The following LMLN variants were observed in gnomAD, a reference collection of about 807,000 sequenced individuals.
LMLN encodes leishmanolysin like peptidase.
Under a neutral mutation model 92.3 loss-of-function variants are expected in LMLN, and 70 were observed. That is an observed-to-expected ratio of 0.76 (90% CI 0.63 to 0.92). The LOEUF (loss-of-function observed/expected upper bound fraction) is 0.92. Among genes scored for constraint, LMLN ranks in the 40% least tolerant of loss-of-function variants. The probability of loss-of-function intolerance (pLI) is 0.00; values close to 1 mark genes in which losing one functional copy is unlikely to be tolerated. For synonymous variants in LMLN, 308 were observed against 296.2 expected, an observed-to-expected ratio of 1.04 and a Z score of -0.41; for missense variants, 691 against 814.6, an observed-to-expected ratio of 0.85 and a Z score of 1.85.
intron 11 of LMLN, among the ~76,000 whole-genome samples, chr3:198,012,387 C>G (rs1722471827): frequency 1.3e-5 from 2 of 152,208 alleles, no homozygotes; most frequent in Non-Finnish European, 2.9e-5. Context: ...AAGCGTTGCA[C>G]AAATGTCAGT....
intron 11 of LMLN, among the ~76,000 whole-genome samples, chr3:198,015,103 T>C (rs1259373068): frequency 1.3e-3 from 120 of 92,436 alleles, no homozygotes; most frequent in Admixed American, 2.3e-3. Context: ...CCCTTCAGAG[T>C]CCCCTAACTA....
At chr3:198,038,501 T>A in intron 15 of LMLN, 66 bp from the exon 17 acceptor site, 2 of 1,108,038 alleles carry the variant, frequency 1.8e-6, no homozygotes, top group South Asian at 2.5e-5. Context: ...CATCTGTCAA[T>A]ATTTAATTGG....
Position 197,960,457 on chromosome 3 carries a change from G to A in LMLN, c.219+17G>A. 1 of 1,608,810 alleles carries A rather than the reference G, an allele frequency of 6.2e-7. No homozygotes were observed. Among genetic ancestry groups the A allele is most frequent in the Admixed American group, 1.7e-5 (1 of 59,866 alleles). ...GACACTGAGGTAGGGCGACATGGGC[G>A]GGAGCGGGCCCTCTCAGGGTAAAGT... On this transcript the variant is annotated intron_variant, in intron 1 of 15. Transcript: ENST00000330198.
intron 11 of LMLN, chr3:197,999,645 A>G (rs1032245858): frequency 1.5e-5 from 4 of 263,232 alleles, no homozygotes; most frequent in African/African-American, 8.9e-5. Context: ...CTCTCACCTC[A>G]GCTTCCTGCG....
chr3:197,986,895 A>G (rs1721725081), intron 8 of LMLN, among the ~76,000 whole-genome samples: 2 of 146,042 alleles, frequency 1.4e-5, no homozygotes, highest in Non-Finnish European at 3.0e-5. Context: ...GCTGGAGTGC[A>G]GTGGTGTGAT....
Position 197,985,854 on chromosome 3 carries a change from C to A in LMLN, c.893C>A (p.Ser298Ter). ...GATAAAGATGGAAATCCTCTCACTT[C>A]AAGATTTGCAGATGGCCTCCCACCT... Residue 298 changes from serine (S) to a stop codon, truncating the protein, a stop_gained, in exon 8 of 16, where the codon TCA becomes TAA. Coordinates refer to ENST00000330198, the Ensembl canonical transcript of LMLN. LOFTEE classifies it high-confidence loss of function. 6.2e-7 allele frequency: 1 copy of A among 1,613,194 alleles called. No individual in the cohort carries two copies. Among genetic ancestry groups the A allele is most frequent in the Non-Finnish European group, 8.5e-7 (1 of 1,179,198 alleles).
intron 10 of LMLN, among the ~76,000 whole-genome samples, chr3:197,997,457 A>G (rs1722059441): frequency 6.6e-6 from 1 of 152,170 alleles, no homozygotes; most frequent in Admixed American, 6.5e-5. Flanking sequence ...TACCTTCAAC[A>G]TCAGCAGCAA....
chr3:197,974,907 G>A, intron 2 of LMLN, 135 bp from the exon 3 acceptor site: 1 of 664,450 alleles, frequency 1.5e-6, no homozygotes, highest in Admixed American at 2.8e-5. Context: ...GAAAAGTAAA[G>A]GAATAAAAGA....
At chr3:198,041,832 G>A (rs943264172) in exon 16 of LMLN, 2 of 152,050 alleles carry the variant, frequency 1.3e-5, no homozygotes, top group Admixed American at 6.5e-5. Context: ...TGATAGGTTC[G>A]ACTATATTTT....
In LMLN at chr3:197,971,179, A is replaced by G. The variant is rs553032571; in HGVS notation, c.220-3198A>G. On this transcript the variant is annotated intron_variant, in intron 1 of 15. Transcript: ENST00000330198. Reference sequence around the variant, plus strand: ...ATGTTGTATTAGTTCTCACACTGCTATAAAGATACTACCTGAGACTGGGTA... The same window carrying G: ...ATGTTGTATTAGTTCTCACACTGCTGTAAAGATACTACCTGAGACTGGGTA... Among the ~76,000 whole-genome samples, 12 of 152,318 alleles carry G rather than the reference A, an allele frequency of 7.9e-5. No individual in the cohort carries two copies. In the East Asian group the frequency reaches 1.9e-3, roughly 24 times the overall value.
exon 15 of LMLN, chr3:198,035,850 A>C (rs370554691): frequency 3.1e-6 from 5 of 1,613,734 alleles, no homozygotes; most frequent in African/African-American, 1.3e-5. Flanking sequence ...GTTCTCCTCA[A>C]GGTCTGAAAG....
chr3:197,961,711 G>A (rs756228389), intron 1 of LMLN, among the ~76,000 whole-genome samples: 64 of 152,278 alleles, frequency 4.2e-4, no homozygotes, highest in Admixed American at 2.2e-3. Context: ...GTTCACTGTA[G>A]TTACGCTAAT....
intron 13 of LMLN, among the ~76,000 whole-genome samples, chr3:198,024,285 G>A (rs376213903): frequency 4.3e-4 from 63 of 147,596 alleles, no homozygotes; most frequent in African/African-American, 1.5e-3. Context: ...GTACAATCTC[G>A]GCTCACTGCA....
intron 7 of LMLN, among the ~76,000 whole-genome samples, chr3:197,985,213 T>G (rs1721670721): frequency 6.6e-6 from 1 of 152,132 alleles, no homozygotes; most frequent in Non-Finnish European, 1.5e-5. Context: ...TCAGCTCTGG[T>G]CCAGCTCTTG....
intron 9 of LMLN, chr3:197,994,570 C>G (rs949989916): frequency 1.3e-5 from 2 of 152,054 alleles, no homozygotes; most frequent in Non-Finnish European, 2.9e-5. Context: ...CATTTTATGC[C>G]TATCAGATGA....
intron 10 of LMLN, 110 bp downstream of exon 10, chr3:197,996,392 C>T (rs1722018562): frequency 1.7e-6 from 1 of 593,128 alleles, no homozygotes; most frequent in Admixed American, 3.7e-5. Flanking sequence ...CGTCCCTTTA[C>T]CCCTTCAGCT....
At chr3:198,038,988 A>G in exon 16 of LMLN, 1 of 285,182 alleles carries the variant, frequency 3.5e-6, no homozygotes, top group Non-Finnish European at 6.8e-6. Context: ...CCACCTCATC[A>G]GCAACCCAGC....
chr3:198,032,849 G>A (rs1351135615), intron 14 of LMLN, among the ~76,000 whole-genome samples: 2 of 152,220 alleles, frequency 1.3e-5, no homozygotes, highest in African/African-American at 4.8e-5. Flanking sequence ...GGTTCGGAAC[G>A]AACTGGTCCA....
intron 11 of LMLN, among the ~76,000 whole-genome samples, chr3:198,001,823 T>A (rs1050013398): frequency 6.6e-6 from 1 of 152,136 alleles, no homozygotes; most frequent in Non-Finnish European, 1.5e-5. Context: ...TCAATATTAT[T>A]ATTTTTTATT....
Sources: gnomAD v4.1 joint callset for allele counts (sites outside exome capture counted in the v4.1 genomes callset) on GRCh38, gnomAD v4.1.1 for gene constraint, MANE v1.5 for transcripts, NCBI Gene and HGNC (gene_info 2026-07-23, HGNC 2026-07-21) for gene names.